PRKG1: variants seen among roughly 807,000 people sequenced by gnomAD.
PRKG1 encodes the protein cGMP-dependent protein kinase 1.
Under a neutral mutation model 88.1 loss-of-function variants are expected in PRKG1, and 35 were observed. The observed-to-expected ratio is 0.40, with a 90% CI of 0.30 to 0.53. PRKG1 has a LOEUF of 0.53. Ranked by LOEUF, PRKG1 falls within the 20% of genes least tolerant of loss-of-function variation. PRKG1 has a pLI of 0.59. For missense variants in PRKG1, 540 were observed against 839.8 expected (o/e 0.64, Z 4.41); for synonymous variants, 303 against 292.5 (o/e 1.04, Z -0.37).
chr10:51,557,137 C>T (rs1837333949), intron 3 of PRKG1, among the ~76,000 whole-genome samples: 2 of 151,898 alleles, frequency 1.3e-5, no homozygotes, highest in Non-Finnish European at 2.9e-5. Flanking sequence ...CTTCTCTTAT[C>T]CCTTTTCCCT....
chr10:51,767,148 A>G (rs1419817349), intron 3 of PRKG1, among the ~76,000 whole-genome samples: 1 of 152,156 alleles, frequency 6.6e-6, no homozygotes, highest in African/African-American at 2.4e-5. Context: ...GAATTTTTCA[A>G]ATTACACAGA....
chr10:51,074,668 C>G lies in PRKG1; in HGVS notation c.78C>G (p.Asp26Glu), dbSNP rs774741698. The G allele has an allele frequency of 1.2e-6, 2 of 1,614,040 alleles. No homozygotes were observed. The highest frequency in any genetic ancestry group is 1.7e-6 in the Non-Finnish European group (2 of 1,179,972). Residue 26 changes from aspartate (D) to glutamate (E), a missense_variant, in exon 1 of 18, where the codon GAC becomes GAG. Physicochemically the swap from Asp to Glu is conservative, Grantham distance 45. Coordinates refer to ENST00000373980, the MANE Select transcript of PRKG1 (RefSeq NM_006258.4). ...EELRQRDALI[D>E]ELELELDQKD... Reference sequence around the variant, plus strand: ...TGAGGCAGCGGGATGCTCTCATCGACGAGCTGGAGCTGGAGTTGGATCAGA... The same window carrying G: ...TGAGGCAGCGGGATGCTCTCATCGAGGAGCTGGAGCTGGAGTTGGATCAGA...
At chr10:51,358,629 C>G (rs1276161177) in intron 2 of PRKG1, among the ~76,000 whole-genome samples, 1 of 151,818 alleles carries the variant, frequency 6.6e-6, no homozygotes, top group Non-Finnish European at 1.5e-5. Context: ...AGAGAAGAGA[C>G]AAGGAGGAGG....
chr10:51,503,095 T>C (rs2132045580), intron 3 of PRKG1, among the ~76,000 whole-genome samples: 1 of 152,230 alleles, frequency 6.6e-6, no homozygotes, highest in East Asian at 1.9e-4. Context: ...TATCCTTCTT[T>C]AAAGGAGGAG....
intron 5 of PRKG1, among the ~76,000 whole-genome samples, chr10:51,912,918 C>A (rs530132518): frequency 6.1e-4 from 93 of 151,774 alleles, no homozygotes; most frequent in African/African-American, 2.1e-3. Flanking sequence ...AAAAATTCAA[C>A]TTCTATTTTA....
At chr10:51,146,614 T>C (rs1192208456) in intron 1 of PRKG1, among the ~76,000 whole-genome samples, 1 of 152,190 alleles carries the variant, frequency 6.6e-6, no homozygotes, top group East Asian at 1.9e-4. Context: ...TTGTTGTCTA[T>C]GCTTTTGAGG....
At chr10:51,752,986 G>A (rs1837765312) in intron 3 of PRKG1, among the ~76,000 whole-genome samples, 2 of 152,020 alleles carry the variant, frequency 1.3e-5, no homozygotes, top group Admixed American at 6.6e-5. Context: ...AAACACTAAT[G>A]TTAAGATGTC....
At chr10:51,033,906 T>C (rs1032120877) in intron 1 of PRKG1, among the ~76,000 whole-genome samples, 1 of 152,202 alleles carries the variant, frequency 6.6e-6, no homozygotes. Context: ...CCTCTCACTA[T>C]CTCTGTTGTC....
In PRKG1 at chr10:52,294,020, G is replaced by A. The variant is rs894974352; in HGVS notation, c.*120G>A. 27 of 733,998 alleles carry A rather than the reference G, an allele frequency of 3.7e-5. No individual in the cohort carries two copies. The highest frequency in any genetic ancestry group is 1.1e-4 in the African/African-American group (6 of 56,234). 45.5% of individuals were successfully genotyped at this position (733,998 alleles called of 1,614,324 possible). ...CGGGGTCACCATGATGCCTTTGATC[G>A]ATGCTGCTCCAGTAACTACAGTGGC... On this transcript the variant is annotated 3_prime_UTR_variant, in exon 18 of 18. Transcript: ENST00000373980.
intron 1 of PRKG1, among the ~76,000 whole-genome samples, chr10:51,133,756 TC>T (rs1314057928): frequency 2.0e-5 from 3 of 152,212 alleles, no homozygotes; most frequent in African/African-American, 7.2e-5. Context: ...ATATTAAATC[TC>T]ACTCGTGAAT....
chr10:52,063,850 G>A (rs906398172), intron 7 of PRKG1, among the ~76,000 whole-genome samples: 1 of 151,692 alleles, frequency 6.6e-6, no homozygotes. Flanking sequence ...TCTCAGCAGA[G>A]AGGAGGCCCT....
chr10:51,743,721 TATATAATATAAA>T, intron 3 of PRKG1, among the ~76,000 whole-genome samples: 1 of 65,078 alleles, frequency 1.5e-5, no homozygotes, highest in South Asian at 4.1e-4. Context: ...AATATATATA[TATATAATATAAA>T]CTAAATATAT....
At chr10:51,148,205 C>T (rs1282049493) in intron 1 of PRKG1, 2 of 982,060 alleles carry the variant, frequency 2.0e-6, no homozygotes, top group Non-Finnish European at 2.4e-6. Context: ...ACTGTCATGT[C>T]CTCAATGAAG....
rs1554837458 is a variant in PRKG1 at position 51,115,385 on chromosome 10, A to ATATATATATATATATATATATATAT, written c.312-37779_312-37778insTATATATATATATATATATATATAT. ...TGTTCCTTTAAACATATATATATATAAAACAAATGTGAAAGGGGGAGAGAC... is the reference window on the plus strand; with the variant it reads ...TGTTCCTTTAAACATATATATATATATATATATATATATATATATATATATAAACAAATGTGAAAGGGGGAGAGAC... On this transcript the variant is annotated intron_variant, in intron 1 of 17. Transcript: ENST00000373980. Among the ~76,000 whole-genome samples the ATATATATATATATATATATATATAT allele has an allele frequency of 5.8e-4, 55 of 94,506 alleles. 1 individual carries two copies. Among genetic ancestry groups the ATATATATATATATATATATATATAT allele is most frequent in the Non-Finnish European group, 8.5e-4 (39 of 46,020 alleles). 62.0% of individuals were successfully genotyped at this position (94,506 alleles called of 152,430 possible).
chr10:52,010,173 G>A (rs982885115), intron 5 of PRKG1, among the ~76,000 whole-genome samples: 1 of 152,070 alleles, frequency 6.6e-6, no homozygotes, highest in Non-Finnish European at 1.5e-5. Flanking sequence ...ATTGGCAACT[G>A]GTATCTAATT....
At chr10:51,451,869 CAT>C (rs139405827) in intron 2 of PRKG1, among the ~76,000 whole-genome samples, 4,402 of 151,902 alleles carry the variant, frequency 0.029, 155 homozygotes, top group South Asian at 0.088. Flanking sequence ...GTTGGTGAAA[CAT>C]GTGTTATAAT....
chr10:51,465,956 C>A (rs1349204254), intron 2 of PRKG1, among the ~76,000 whole-genome samples: 2 of 152,104 alleles, frequency 1.3e-5, no homozygotes, highest in African/African-American at 4.8e-5. Context: ...GACAATCATC[C>A]AATGAAATAG....
intron 4 of PRKG1, among the ~76,000 whole-genome samples, chr10:51,867,224 G>A (rs1423692320): frequency 6.6e-6 from 1 of 152,152 alleles, no homozygotes; most frequent in African/African-American, 2.4e-5. Flanking sequence ...TCTGAATATT[G>A]AGACTATAAA....
At chr10:52,168,219 T>A (rs1838546721) in intron 9 of PRKG1, among the ~76,000 whole-genome samples, 1 of 152,194 alleles carries the variant, frequency 6.6e-6, no homozygotes, top group African/African-American at 2.4e-5. Context: ...GAAGTCTTCT[T>A]AGGGGAAGTG....
Sources: allele counts gnomAD v4.1 joint callset (sites outside exome capture counted in the v4.1 genomes callset), GRCh38; gene constraint gnomAD v4.1.1; transcripts MANE v1.5; gene names NCBI Gene and HGNC (gene_info 2026-07-23, HGNC 2026-07-21).